The following UMODL1 variants were observed in gnomAD, a reference collection of about 807,000 sequenced individuals.
The protein encoded by UMODL1 is uromodulin-like 1.
A neutral mutation model predicts 136.3 loss-of-function variants in UMODL1; 128 were observed. The ratio of observed to expected loss-of-function variants is 0.94; its 90% confidence interval spans 0.81 to 1.09. The LOEUF (loss-of-function observed/expected upper bound fraction) is 1.09, where lower values mean the gene tolerates loss of function less well. UMODL1 is among the 50% of genes least tolerant of loss of function. The pLI, the probability that UMODL1 is intolerant of heterozygous loss-of-function variation, is 0.00. For missense variants in UMODL1, 1,766 were observed against 1,725.6 expected (o/e 1.02, Z -0.41); for synonymous variants, 721 against 720.0 (o/e 1.00, Z -0.02).
upstream of UMODL1, among the ~76,000 whole-genome samples, chr21:42,066,665 TACAG>T (rs1301863354): frequency 6.6e-6 from 1 of 152,222 alleles, no homozygotes; most frequent in Non-Finnish European, 1.5e-5. Context: ...TTCTTCTAGA[TACAG>T]ACAATTAACA....
chr21:42,103,561 C>T (rs2066665527), intron 8 of UMODL1: 5 of 480,918 alleles, frequency 1.0e-5, no homozygotes, highest in South Asian at 3.5e-5. Context: ...AAATGACCTT[C>T]GCACCAGTTT....
At chr21:42,102,308 T>C (rs754897355) in intron 8 of UMODL1, 30 bp downstream of exon 8, 4 of 1,512,276 alleles carry the variant, frequency 2.6e-6, no homozygotes, top group Non-Finnish European at 2.7e-6. Context: ...AGAAATCTTT[T>C]CTTGGGTGTT....
At chr21:42,079,877 G>C (rs576439622) in intron 2 of UMODL1, among the ~76,000 whole-genome samples, 1 of 152,240 alleles carries the variant, frequency 6.6e-6, no homozygotes, top group Non-Finnish European at 1.5e-5. Context: ...TGTGGCATTT[G>C]AGTGCTGTGG....
chr21:42,133,261 C>T (rs756080103), intron 21 of UMODL1, among the ~76,000 whole-genome samples: 2 of 152,240 alleles, frequency 1.3e-5, no homozygotes, highest in East Asian at 1.9e-4. Flanking sequence ...CCGCTATCCG[C>T]GGCCTCTGAG....
At chr21:42,077,820 A>T (rs2066313263) in intron 2 of UMODL1, among the ~76,000 whole-genome samples, 1 of 152,212 alleles carries the variant, frequency 6.6e-6, no homozygotes, top group African/African-American at 2.4e-5. Context: ...GTTGGGCATT[A>T]CAAGACCAGG....
Position 42,082,497 on chromosome 21 carries a change from T to C in UMODL1, c.320-1587T>C, listed in dbSNP as rs114452804. 6.7e-3 allele frequency among the ~76,000 whole-genome samples: 1,028 copies of C among 152,314 alleles called. 9 individuals are homozygous for C. The highest frequency in any genetic ancestry group is 0.023 in the African/African-American group (949 of 41,568). ...GCTTGCCATGTATCTGGGCATGAAC[T>C]GGACAGCTCTGAGTAAAGCCCCAGG... On this transcript the variant is annotated intron_variant, in intron 2 of 22. Transcript: ENST00000408910.
chr21:42,091,208 A>T (rs548963405), intron 6 of UMODL1, among the ~76,000 whole-genome samples: 1 of 152,324 alleles, frequency 6.6e-6, no homozygotes, highest in East Asian at 1.9e-4. Context: ...GCAGGTCCTA[A>T]TCTCTGCCTG....
intron 21 of UMODL1, 109 bp downstream of exon 21, chr21:42,129,906 A>T (rs1331101708): frequency 1.2e-6 from 1 of 809,948 alleles, no homozygotes; most frequent in Admixed American, 3.0e-5. Context: ...CTCTTGAGAG[A>T]CTTCTAAGAG....
chr21:42,124,442 G>A (rs953608130), intron 17 of UMODL1, among the ~76,000 whole-genome samples: 3 of 152,188 alleles, frequency 2.0e-5, no homozygotes, highest in East Asian at 1.9e-4. Context: ...GAGTGAGAGA[G>A]CTGTGAATGT....
At chr21:42,131,457 A>AG (rs1413380132) in intron 21 of UMODL1, among the ~76,000 whole-genome samples, 4 of 19,398 alleles carry the variant, frequency 2.1e-4, no homozygotes, top group Admixed American at 4.9e-4. Context: ...GGTCTCAGCC[A>AG]TGAAGCTGGG....
chr21:42,133,165 G>A (rs752130728), intron 21 of UMODL1, among the ~76,000 whole-genome samples: 3 of 152,222 alleles, frequency 2.0e-5, no homozygotes, highest in Non-Finnish European at 4.4e-5. Context: ...GGACTTGGCT[G>A]CATTTTAATA....
intron 6 of UMODL1, among the ~76,000 whole-genome samples, chr21:42,096,472 G>A (rs1313530354): frequency 1.5e-4 from 23 of 152,160 alleles, no homozygotes; most frequent in Admixed American, 1.5e-3. Flanking sequence ...TGCCAGCCCC[G>A]TACCCTGTGA....
intron 2 of UMODL1, among the ~76,000 whole-genome samples, chr21:42,079,490 A>G (rs180826910): frequency 1.3e-5 from 2 of 152,288 alleles, no homozygotes; most frequent in Admixed American, 1.3e-4. Context: ...GAGGGACGTG[A>G]GGCATGAGGG....
chr21:42,068,889 G>C (rs1054990879), upstream of UMODL1, among the ~76,000 whole-genome samples: 2 of 152,216 alleles, frequency 1.3e-5, no homozygotes, highest in Non-Finnish European at 2.9e-5. The surrounding 1 kb of genome is among the most constrained non-coding windows in gnomAD (Gnocchi z 5.5). Flanking sequence ...GTGAATGCCT[G>C]GGCATGTGTG....
chr21:42,090,253 G>GTAGCT, intron 5 of UMODL1, 45 bp from the exon 6 acceptor site: 2 of 1,610,440 alleles, frequency 1.2e-6, no homozygotes, highest in Non-Finnish European at 1.7e-6. Flanking sequence ...AGATGACGAG[G>GTAGCT]TAGCTGCGAC....
intron 1 of UMODL1, among the ~76,000 whole-genome samples, chr21:42,075,473 C>T (rs967984391): frequency 2.6e-5 from 4 of 152,192 alleles, no homozygotes; most frequent in East Asian, 3.8e-4. Flanking sequence ...AAAAGAAAGC[C>T]GTCATTGTCA....
chr21:42,122,547 G>A lies in UMODL1; in HGVS notation c.2828-284G>A, dbSNP rs776672348. 1.0e-4 allele frequency among the ~76,000 whole-genome samples: 14 copies of A among 134,818 alleles called. No individual in the cohort carries two copies. Among genetic ancestry groups the A allele is most frequent in the East Asian group, 3.9e-4 (2 of 5,152 alleles). The allele number at this position is 134,818 out of a possible 152,430, so 88.4% of individuals were successfully genotyped here. A position where few individuals can be genotyped will look rare whatever the true frequency, so the allele number is the denominator to read the frequency against. On this transcript the variant is annotated intron_variant, in intron 16 of 22. Transcript: ENST00000408910. This position sits in a 1 kb window ranked among gnomAD's most constrained non-coding sequence, Gnocchi z 4.3. ...AAATGTGCAACATGTGCATGTGTGC[G>A]TGTGTGTGTGTCTGCACGTGTGTGC...
chr21:42,102,239 T>G lies in UMODL1; in HGVS notation c.1260T>G (p.Ser420Arg). ...NLTEKLLNRS[S>R]VEYQDFSRQL... is the part of the protein sequence containing the mutation. Reference sequence around the variant, plus strand: ...CGGAGAAGTTACTCAACCGCAGCAGTGTGGAGTACCAGGACTTTTCTAGAC... The same window carrying G: ...CGGAGAAGTTACTCAACCGCAGCAGGGTGGAGTACCAGGACTTTTCTAGAC... Residue 420 changes from serine (S) to arginine (R), a missense_variant, in exon 8 of 23, where the codon AGT becomes AGG. Ser to Arg is a moderately radical substitution (Grantham distance 110). Transcript: ENST00000408910. The G allele has an allele frequency of 6.2e-7, 1 of 1,613,162 alleles. No individual in the cohort carries two copies. Among genetic ancestry groups the G allele is most frequent in the Non-Finnish European group, 8.5e-7 (1 of 1,179,516 alleles).
In UMODL1 at chr21:42,099,298, C is replaced by A. The variant is rs1025655951; in HGVS notation, c.1186+118C>A. The A allele has an allele frequency of 7.2e-7, 1 of 1,394,660 alleles. No individual in the cohort carries two copies. The highest frequency in any genetic ancestry group is 9.5e-7 in the Non-Finnish European group (1 of 1,048,990). 86.4% of individuals were successfully genotyped at this position (1,394,660 alleles called of 1,614,324 possible). A position where few individuals can be genotyped will look rare whatever the true frequency, so the allele number is the denominator to read the frequency against. On this transcript the variant is annotated intron_variant, in intron 7 of 22. Coordinates refer to ENST00000408910, the MANE Select transcript of UMODL1 (RefSeq NM_001004416.3). This position sits in a 1 kb window ranked among gnomAD's most constrained non-coding sequence, Gnocchi z 4.1. Reference sequence around the variant, plus strand: ...AACCAGGGCACCAGAAGTCACTGACCGCCCTGCACTTCCTCCCTCCCCTCC... The same window carrying A: ...AACCAGGGCACCAGAAGTCACTGACAGCCCTGCACTTCCTCCCTCCCCTCC...
Sources: gnomAD v4.1 joint callset for allele counts (sites outside exome capture counted in the v4.1 genomes callset) on GRCh38, gnomAD v4.1.1 for gene constraint, Gnocchi (gnomAD v3.1) non-coding constraint, MANE v1.5 for transcripts, NCBI Gene and HGNC (gene_info 2026-07-23, HGNC 2026-07-21) for gene names.